The following AUH variants were observed in gnomAD, a reference collection of about 807,000 sequenced individuals.
AUH encodes the protein methylglutaconyl-CoA hydratase, mitochondrial.
Under a neutral mutation model 42.3 loss-of-function variants are expected in AUH, and 29 were observed. The observed-to-expected ratio is 0.69, with a 90% CI of 0.51 to 0.93. AUH has a LOEUF of 0.93. Among genes scored for constraint, AUH ranks in the 40% least tolerant of loss-of-function variants. The pLI is 0.00. For synonymous variants in AUH, 174 were observed against 166.4 expected, an observed-to-expected ratio of 1.05 and a Z score of -0.35; for missense variants, 452 against 438.1, an observed-to-expected ratio of 1.03 and a Z score of -0.28.
At chr9:91,320,395 G>A (rs1305018823) in intron 4 of AUH, among the ~76,000 whole-genome samples, 4 of 152,204 alleles carry the variant, frequency 2.6e-5, no homozygotes. Context: ...GACAGTACCT[G>A]AGGCTTGGCC....
rs575690343 is a variant in AUH at position 91,300,537 on chromosome 9, T to C, written c.506-2461A>G. ...AAGTACCTAATTAATCTCCTTCACC[T>C]GCAATCTGCCACCCTTCTATGCATC... On this transcript the variant is annotated intron_variant, in intron 4 of 9. Coordinates refer to ENST00000375731, the MANE Select transcript of AUH (RefSeq NM_001698.3). Among the ~76,000 whole-genome samples the C allele has an allele frequency of 2.6e-5, 4 of 152,320 alleles. No individual in the cohort carries two copies. In the East Asian group the frequency reaches 5.8e-4, roughly 22 times the overall value.
intron 6 of AUH, among the ~76,000 whole-genome samples, chr9:91,281,396 C>G (rs894664786): frequency 6.6e-6 from 1 of 152,168 alleles, no homozygotes; most frequent in Non-Finnish European, 1.5e-5. Flanking sequence ...GGAGTTCTCT[C>G]TGTCTGTACC....
At chr9:91,349,420 C>A (rs1250277870) in intron 3 of AUH, among the ~76,000 whole-genome samples, 1 of 152,138 alleles carries the variant, frequency 6.6e-6, no homozygotes, top group Non-Finnish European at 1.5e-5. Flanking sequence ...CACAAAATTT[C>A]ATTTCAAAAA....
intron 6 of AUH, among the ~76,000 whole-genome samples, chr9:91,258,100 G>T (rs530687994): frequency 1.3e-5 from 2 of 152,300 alleles, no homozygotes; most frequent in East Asian, 3.9e-4. Flanking sequence ...TTTTGAACTT[G>T]TATCCAATGA....
intron 9 of AUH, among the ~76,000 whole-genome samples, chr9:91,215,379 G>A (rs566973636): frequency 6.6e-6 from 1 of 151,978 alleles, no homozygotes; most frequent in South Asian, 2.1e-4. Context: ...TATTACCTAC[G>A]CACATCCTCC....
chr9:91,222,039 C>G (rs569363432), intron 6 of AUH, among the ~76,000 whole-genome samples: 1 of 136,990 alleles, frequency 7.3e-6, no homozygotes, highest in East Asian at 2.2e-4. Context: ...GCAGGAAAAG[C>G]AAACTGACGC....
chr9:91,341,856 AC>A (rs1831130809), intron 3 of AUH, among the ~76,000 whole-genome samples: 1 of 152,188 alleles, frequency 6.6e-6, no homozygotes, highest in Non-Finnish European at 1.5e-5. Flanking sequence ...AAGCAGGGAG[AC>A]CTGCTTTGGT....
At chr9:91,217,237 T>G in intron 8 of AUH, 40 bp downstream of exon 8, 1 of 1,580,522 alleles carries the variant, frequency 6.3e-7, no homozygotes, top group South Asian at 1.1e-5. Context: ...AAATCTCCAC[T>G]CTCCATTCCC....
At chr9:91,268,882 A>T (rs2989838) in intron 6 of AUH, among the ~76,000 whole-genome samples, 18,733 of 152,234 alleles carry the variant, frequency 0.12, 1,665 homozygotes, top group African/African-American at 0.25. Flanking sequence ...ACAATATCTA[A>T]GCATGTATTT....
At chr9:91,253,595 T>C (rs544411696) in intron 6 of AUH, among the ~76,000 whole-genome samples, 59 of 152,326 alleles carry the variant, frequency 3.9e-4, no homozygotes, top group African/African-American at 1.3e-3. Flanking sequence ...AAATTTTTTG[T>C]CAAGTGTAAT....
intron 4 of AUH, among the ~76,000 whole-genome samples, chr9:91,311,185 CATG>C (rs1168703124): frequency 6.6e-6 from 1 of 152,058 alleles, no homozygotes. Context: ...TTTTCAATCA[CATG>C]AAGAACAGAT....
rs1349105447 is a variant in AUH at position 91,214,041 on chromosome 9, ATAAAT to A, written c.*302_*306del. On this transcript the variant is annotated 3_prime_UTR_variant, in exon 10 of 10. Transcript: ENST00000375731. The stretch of plus-strand genomic sequence containing the variant: ...TATTATTCCCTAGAATGTGCAATAT[ATAAAT>A]TATTCACATTAAAAAATTAACAGAA... 2.0e-5 allele frequency: 6 copies of A among 305,184 alleles called. No homozygotes were observed. Among genetic ancestry groups the A allele is most frequent in the Non-Finnish European group, 3.7e-5 (6 of 160,050 alleles). 18.9% of individuals were successfully genotyped at this position (305,184 alleles called of 1,614,324 possible). A position where few individuals can be genotyped will look rare whatever the true frequency, so the allele number is the denominator to read the frequency against.
At chr9:91,291,216 C>T (rs1037288755) in intron 6 of AUH, among the ~76,000 whole-genome samples, 2 of 152,036 alleles carry the variant, frequency 1.3e-5, no homozygotes, top group East Asian at 3.8e-4. Flanking sequence ...ATTTAAGCCT[C>T]TCTCAGATAA....
At chr9:91,298,932 A>G (rs966722652) in intron 4 of AUH, among the ~76,000 whole-genome samples, 4 of 152,170 alleles carry the variant, frequency 2.6e-5, no homozygotes, top group African/African-American at 9.7e-5. Context: ...TAAAAAGGTA[A>G]TATCGGCCGG....
chr9:91,219,976 G>A (rs1827039605), intron 7 of AUH, among the ~76,000 whole-genome samples: 1 of 152,186 alleles, frequency 6.6e-6, no homozygotes. Context: ...AAATTATTTT[G>A]ACTCTAGAAA....
At chr9:91,244,856 C>G (rs572934868) in intron 6 of AUH, among the ~76,000 whole-genome samples, 2 of 152,218 alleles carry the variant, frequency 1.3e-5, no homozygotes, top group African/African-American at 4.8e-5. Flanking sequence ...CCAAGGTGCA[C>G]CTCTGAAAAA....
chr9:91,361,733 C>T lies in AUH; in HGVS notation c.157G>A (p.Gly53Ser), dbSNP rs769385834. ...RRAGPAIWAQ[G>S]WVPAAGGPAP... ...GGACCCCCGGCCGCAGGTACCCAGC[C>T]CTGGGCCCAGATCGCCGGGCCCGCT... is the stretch of plus-strand genomic sequence containing the variant. Residue 53 changes from glycine (G) to serine (S), a missense_variant, in exon 1 of 10, where the codon GGC becomes AGC. Physicochemically the swap from Gly to Ser is moderately conservative, Grantham distance 56. Coordinates refer to ENST00000375731, the MANE Select transcript of AUH (RefSeq NM_001698.3). The T allele has an allele frequency of 1.3e-6, 2 of 1,548,188 alleles. No individual in the cohort carries two copies. The highest frequency in any genetic ancestry group is 1.7e-6 in the Non-Finnish European group (2 of 1,146,464).
intron 3 of AUH, among the ~76,000 whole-genome samples, chr9:91,338,836 G>C (rs1360208235): frequency 6.6e-6 from 1 of 152,174 alleles, no homozygotes; most frequent in Non-Finnish European, 1.5e-5. Flanking sequence ...GGATAATCTA[G>C]AAACTAATGA....
chr9:91,241,457 T>C (rs7868501), intron 6 of AUH, among the ~76,000 whole-genome samples: 35,840 of 152,048 alleles, frequency 0.24, 4,634 homozygotes, highest in East Asian at 0.38. Context: ...AAATGTATTA[T>C]AAGGATTATG....
Sources: allele counts gnomAD v4.1 joint callset (sites outside exome capture counted in the v4.1 genomes callset), GRCh38; gene constraint gnomAD v4.1.1; transcripts MANE v1.5; gene names NCBI Gene and HGNC (gene_info 2026-07-23, HGNC 2026-07-21).